The following CLGN variants were observed in gnomAD, a reference collection of about 807,000 sequenced individuals.
CLGN encodes the protein testis tissue sperm-binding protein Li 79P.
In CLGN, 62 loss-of-function variants were observed where a neutral mutation model predicts 79.1. That is an observed-to-expected ratio of 0.78 (90% CI 0.64 to 0.97). The LOEUF is 0.97. Ranked by LOEUF, CLGN falls within the 50% of genes least tolerant of loss-of-function variation. The pLI, the probability that CLGN is intolerant of heterozygous loss-of-function variation, is 0.00. For synonymous variants in CLGN, 225 were observed against 224.7 expected, an observed-to-expected ratio of 1.00 and a Z score of -0.01; for missense variants, 647 against 715.5, an observed-to-expected ratio of 0.90 and a Z score of 1.09.
intron 1 of CLGN, among the ~76,000 whole-genome samples, chr4:140,419,444 C>A (rs925879427): frequency 6.6e-6 from 1 of 152,006 alleles, no homozygotes; most frequent in African/African-American, 2.4e-5. Context: ...CCTAAATGTT[C>A]ACTGAAATTG....
chr4:140,414,929 A>C (rs1729295982), intron 1 of CLGN, among the ~76,000 whole-genome samples: 1 of 150,474 alleles, frequency 6.6e-6, no homozygotes. Flanking sequence ...TGAAGGAAAA[A>C]ATGTTAAGGG....
chr4:140,396,788 C>T (rs930941467), intron 8 of CLGN, among the ~76,000 whole-genome samples: 9 of 149,244 alleles, frequency 6.0e-5, no homozygotes, highest in Admixed American at 3.4e-4. Flanking sequence ...GAACTCCTAA[C>T]GTCAGGTGAT....
rs75291498 is a variant in CLGN, at chr4:140,421,469, T to C, written c.-10+6068A>G. ...CCTTGCCAACATTTGTTCAAAATTATGTTTTTTTAAATAGTAGTCATTGTA... is the reference window on the plus strand; with the variant it reads ...CCTTGCCAACATTTGTTCAAAATTACGTTTTTTTAAATAGTAGTCATTGTA... On this transcript the variant is annotated intron_variant, in intron 1 of 14. Transcript: ENST00000325617. Among the ~76,000 whole-genome samples, 243 of 152,290 alleles carry C rather than the reference T, an allele frequency of 1.6e-3. 3 individuals are homozygous for C. In the East Asian group the frequency reaches 0.04, roughly 25 times the overall value.
intron 7 of CLGN, among the ~76,000 whole-genome samples, chr4:140,399,338 AT>A (rs1728954096): frequency 1.3e-5 from 2 of 152,194 alleles, no homozygotes; most frequent in South Asian, 4.1e-4. Flanking sequence ...TCACTCTTTT[AT>A]AGTTACAAAA....
At position 140,412,913 on chromosome 4, in the gene CLGN, A is replaced by G. The variant is rs1232241211; in HGVS notation, c.144+22T>C. 3 of 1,601,342 alleles carry G rather than the reference A, an allele frequency of 1.9e-6. No individual in the cohort carries two copies. The Admixed American group carries it at 5.1e-5, about 27-fold the overall frequency. ...GTACTATGTAAAGGAATAATTTATAACCCATTTCTCAATAACCATACCTCT... is the reference window on the plus strand; with the variant it reads ...GTACTATGTAAAGGAATAATTTATAGCCCATTTCTCAATAACCATACCTCT... On this transcript the variant is annotated intron_variant, in intron 2 of 14. Coordinates refer to ENST00000325617, the MANE Select transcript of CLGN (RefSeq NM_004362.3).
chr4:140,392,564 G>T, intron 12 of CLGN, 22 bp downstream of exon 12: 1 of 1,574,292 alleles, frequency 6.4e-7, no homozygotes, highest in Non-Finnish European at 8.6e-7. Context: ...GAAAAAAGTT[G>T]AAGGAAATCC....
chr4:140,395,686 G>GA, intron 10 of CLGN, 133 bp downstream of exon 10: 2 of 589,844 alleles, frequency 3.4e-6, no homozygotes, highest in Non-Finnish European at 5.2e-6. Flanking sequence ...TAAATTAGTT[G>GA]AGGTCTATTT....
intron 4 of CLGN, among the ~76,000 whole-genome samples, chr4:140,406,767 T>A (rs1448164961): frequency 6.6e-6 from 1 of 152,216 alleles, no homozygotes; most frequent in African/African-American, 2.4e-5. Flanking sequence ...ATGGGCCACA[T>A]ACAATGCAAA....
intron 4 of CLGN, among the ~76,000 whole-genome samples, chr4:140,408,665 T>A (rs939089728): frequency 6.6e-6 from 1 of 151,694 alleles, no homozygotes; most frequent in Non-Finnish European, 1.5e-5. Flanking sequence ...TATTAAAAAG[T>A]CAAAAAACAA....
chr4:140,396,915 A>ATATATGTG (rs1560740094), intron 8 of CLGN, among the ~76,000 whole-genome samples: 2 of 134,152 alleles, frequency 1.5e-5, no homozygotes, highest in African/African-American at 6.1e-5. Flanking sequence ...ATGTATATAT[A>ATATATGTG]TATATATACA....
rs1447449500 is a variant in CLGN, at chr4:140,410,565, C to T, written c.206G>A (p.Gly69Glu). The change falls in exon 3 of 15, where the codon GGA becomes GAA. Residue 69 changes from glycine (G) to glutamate (E), a missense_variant. Gly to Glu is a moderately conservative substitution (Grantham distance 98). Coordinates refer to ENST00000325617, the MANE Select transcript of CLGN (RefSeq NM_004362.3). Reference sequence around the variant, plus strand: ...AATGAATACTCACCCAGCCAACCTTCCACTATCAAAAGTTTCTGCAAAATA... The same window carrying T: ...AATGAATACTCACCCAGCCAACCTTTCACTATCAAAAGTTTCTGCAAAATA... ...EVYFAETFDS[G>E]RLAGWVLSKA... 6.2e-7 allele frequency: 1 copy of T among 1,600,120 alleles called. No individual in the cohort carries two copies. The highest frequency in any genetic ancestry group is 1.1e-5 in the South Asian group (1 of 90,606).
intron 2 of CLGN, among the ~76,000 whole-genome samples, chr4:140,412,427 C>T (rs1172302812): frequency 6.6e-6 from 1 of 152,146 alleles, no homozygotes; most frequent in Admixed American, 6.5e-5. Context: ...CTGTTAATCA[C>T]TACTTCAAAA....
At position 140,392,254 on chromosome 4, in the gene CLGN, T is replaced by G. The variant is rs779003793; in HGVS notation, c.1616A>C (p.Glu539Ala). ...CATTTCACCATCATTTTGCTTTTTT[T>G]CCTCTTCCAGGTCCATTGGTTTTTC... is the stretch of plus-strand genomic sequence containing the variant. The part of the protein sequence containing the change: ...ALEKPMDLEE[E>A]KKQNDGEMLE... The change falls in exon 13 of 15, where the codon GAA becomes GCA. Residue 539 changes from glutamate to alanine, a missense_variant. Transcript: ENST00000325617. 6 of 1,613,050 alleles carry G rather than the reference T, an allele frequency of 3.7e-6. No individual in the cohort carries two copies. Among genetic ancestry groups the G allele is most frequent in the Non-Finnish European group, 5.1e-6 (6 of 1,179,578 alleles).
intron 12 of CLGN, 58 bp from the exon 13 acceptor site, chr4:140,392,436 T>G (rs937660064): frequency 3.1e-5 from 48 of 1,528,516 alleles, no homozygotes; most frequent in Middle Eastern, 1.8e-4. Context: ...TTGAAAGTTT[T>G]TTTGCAATAA....
chr4:140,405,427 G>C (rs1049395226), intron 5 of CLGN, among the ~76,000 whole-genome samples: 2 of 151,260 alleles, frequency 1.3e-5, no homozygotes, highest in Non-Finnish European at 3.0e-5. Flanking sequence ...CTCGTGATCT[G>C]CCCGCCTCGG....
At chr4:140,390,603 T>C (rs1406624263) in intron 14 of CLGN, 25 bp downstream of exon 14, 2 of 1,518,680 alleles carry the variant, frequency 1.3e-6, no homozygotes, top group Non-Finnish European at 1.8e-6. Flanking sequence ...CAACTATACA[T>C]AGAAACCAGC....
chr4:140,417,817 C>G (rs1409083831), intron 1 of CLGN, among the ~76,000 whole-genome samples: 1 of 149,390 alleles, frequency 6.7e-6, no homozygotes, highest in Non-Finnish European at 1.5e-5. Context: ...CATCAAGCTA[C>G]CAATGCCTTT....
intron 5 of CLGN, among the ~76,000 whole-genome samples, chr4:140,405,329 C>T (rs991520692): frequency 6.7e-6 from 1 of 148,758 alleles, no homozygotes; most frequent in African/African-American, 2.4e-5. Flanking sequence ...GGACTACAGG[C>T]GCCCGCCACT....
At chr4:140,392,054 G>C (rs1392299325) in intron 13 of CLGN, among the ~76,000 whole-genome samples, 165 bp downstream of exon 13, 1 of 151,910 alleles carries the variant, frequency 6.6e-6, no homozygotes, top group Non-Finnish European at 1.5e-5. Flanking sequence ...CAGGGTGGCT[G>C]CTCAGAGGAC....
Sources: gnomAD v4.1 joint callset for allele counts (sites outside exome capture counted in the v4.1 genomes callset) on GRCh38, gnomAD v4.1.1 for gene constraint, MANE v1.5 for transcripts, NCBI Gene and HGNC (gene_info 2026-07-23, HGNC 2026-07-21) for gene names.